Variants in TLE3 observed in about 807,000 individuals in gnomAD.
The protein encoded by TLE3 is transducin-like enhancer protein 3.
TLE3 carries 14 observed loss-of-function variants against 93.0 expected under a neutral mutation model. The observed-to-expected ratio is 0.15, with a 90% CI of 0.10 to 0.24. The LOEUF is 0.24. Among genes scored for constraint, TLE3 ranks in the 10% least tolerant of loss-of-function variants. The pLI, the probability that TLE3 is intolerant of heterozygous loss-of-function variation, is 1.00. For missense variants in TLE3, 693 were observed against 1,046.6 expected, an observed-to-expected ratio of 0.66 and a Z score of 4.66; for synonymous variants, 451 against 425.0, an observed-to-expected ratio of 1.06 and a Z score of -0.75.
In TLE3 at chr15:70,058,841, G is replaced by C; in HGVS notation, c.766-26C>G. ...CTGAAAACACAAGTGATGCAGAGAT[G>C]CACTGAAAGCAACAGCCAGCCTCGA... is the stretch of plus-strand genomic sequence containing the variant. On this transcript the variant is annotated intron_variant, in intron 10 of 19. Transcript: ENST00000451782. This position sits in a 1 kb window ranked among gnomAD's most constrained non-coding sequence, Gnocchi z 4.1. 2 of 1,528,648 alleles carry C rather than the reference G, an allele frequency of 1.3e-6. No individual in the cohort carries two copies. The highest frequency in any genetic ancestry group is 1.8e-6 in the Non-Finnish European group (2 of 1,139,640). The allele number at this position is 1,528,648 out of a possible 1,614,324, so 94.7% of individuals were successfully genotyped here. A position where few individuals can be genotyped will look rare whatever the true frequency, so the allele number is the denominator to read the frequency against.
chr15:70,054,140 G>T, intron 16 of TLE3: 1 of 308,240 alleles, frequency 3.2e-6, no homozygotes. Flanking sequence ...TGGTCTCTGG[G>T]GCTCTGCTCC....
In TLE3 at chr15:70,095,870, G is replaced by A. The variant is rs936687895; in HGVS notation, c.126-229C>T. The A allele has an allele frequency of 2.5e-4, 161 of 635,658 alleles. 3 individuals are homozygous for A. The South Asian group carries it at 2.9e-3, about 11-fold the overall frequency. 39.4% of individuals were successfully genotyped at this position (635,658 alleles called of 1,614,324 possible). On this transcript the variant is annotated intron_variant, in intron 2 of 19. Coordinates refer to ENST00000451782, the MANE Select transcript of TLE3 (RefSeq NM_001105192.3). Reference sequence around the variant, plus strand: ...AGCCAAAGGACTTATCACGGCAGCAGGGGAGTAGGACCCTGACGCTGGCTC... The same window carrying A: ...AGCCAAAGGACTTATCACGGCAGCAAGGGAGTAGGACCCTGACGCTGGCTC...
chr15:70,079,816 C>T (rs761823195), intron 4 of TLE3, among the ~76,000 whole-genome samples: 23 of 152,158 alleles, frequency 1.5e-4, no homozygotes, highest in Non-Finnish European at 2.1e-4. Context: ...AATAACCCCG[C>T]GGAGAAGGCG....
intron 6 of TLE3, among the ~76,000 whole-genome samples, chr15:70,067,266 GAAGT>G (rs777329488): frequency 8.5e-5 from 13 of 152,192 alleles, no homozygotes; most frequent in Non-Finnish European, 1.0e-4. Flanking sequence ...TACTGAAAGA[GAAGT>G]TAGGTATGCT....
rs972965496 is a variant in TLE3, at chr15:70,094,422, G to C, written c.234+110C>G. 7.3e-6 allele frequency: 6 copies of C among 821,002 alleles called. No individual in the cohort carries two copies. The East Asian group carries it at 1.6e-4, about 22-fold the overall frequency. 50.9% of individuals were successfully genotyped at this position (821,002 alleles called of 1,614,324 possible). A position where few individuals can be genotyped will look rare whatever the true frequency, so the allele number is the denominator to read the frequency against. On this transcript the variant is annotated intron_variant, in intron 4 of 19. Coordinates refer to ENST00000451782, the MANE Select transcript of TLE3 (RefSeq NM_001105192.3). ...ATCCATTCACTCTTCAAGGAGAAGG[G>C]GGAGGAATCGAAGAAGCAGGCTCAC...
chr15:70,074,472 T>A, intron 6 of TLE3, 61 bp downstream of exon 6: 3 of 1,557,312 alleles, frequency 1.9e-6, no homozygotes, highest in Non-Finnish European at 2.6e-6. Flanking sequence ...CTGGTTATGA[T>A]AAATGAGAGG....
intron 13 of TLE3, among the ~76,000 whole-genome samples, chr15:70,056,779 T>C (rs2141463515): frequency 6.6e-6 from 1 of 152,344 alleles, no homozygotes; most frequent in Non-Finnish European, 1.5e-5. Flanking sequence ...TTTATTTTTT[T>C]GAGATGGAGT....
chr15:70,066,080 C>A lies in TLE3; in HGVS notation c.511G>T (p.Ala171Ser), dbSNP rs1199229205. 1.9e-6 allele frequency: 3 copies of A among 1,599,040 alleles called. No homozygotes were observed. Among genetic ancestry groups the A allele is most frequent in the African/African-American group, 1.3e-5 (1 of 74,562 alleles). The change falls in exon 7 of 20, where the codon GCC becomes TCC. Residue 171 changes from alanine (A) to serine (S), a missense_variant. Coordinates refer to ENST00000451782, the MANE Select transcript of TLE3 (RefSeq NM_001105192.3). ...GTCAGATGGGCCTGGCTGCCCAGGG[C>A]GCCCAGTGCCAGCAGCCCGGAGCTG... is the stretch of plus-strand genomic sequence containing the variant. ...GSSSGLLALG[A>S]LGSQAHLTVK...
At chr15:70,087,710 G>A (rs1415161015) in intron 4 of TLE3, among the ~76,000 whole-genome samples, 1 of 152,180 alleles carries the variant, frequency 6.6e-6, no homozygotes, top group Admixed American at 6.5e-5. Context: ...TGGCCTCTCA[G>A]GCCCCACAGA....
chr15:70,051,207 C>T, intron 19 of TLE3, 184 bp downstream of exon 19: 1 of 549,640 alleles, frequency 1.8e-6, no homozygotes. Flanking sequence ...GCTGAAGTCC[C>T]CAGGTCCTTG....
At chr15:70,076,450 A>C (rs2057450584) in intron 4 of TLE3, among the ~76,000 whole-genome samples, 1 of 152,134 alleles carries the variant, frequency 6.6e-6, no homozygotes, top group South Asian at 2.1e-4. Context: ...TCTGGATGGA[A>C]TCCCTAATTA....
intron 4 of TLE3, among the ~76,000 whole-genome samples, chr15:70,088,326 T>C (rs984157642): frequency 4.6e-5 from 7 of 152,174 alleles, no homozygotes; most frequent in African/African-American, 1.7e-4. Flanking sequence ...CCACCAAATA[T>C]TCCCCGCTTA....
chr15:70,053,558 T>G, intron 16 of TLE3, 184 bp from the exon 17 acceptor site: 1 of 608,226 alleles, frequency 1.6e-6, no homozygotes, highest in East Asian at 3.6e-5. Context: ...CAGGCCTCTT[T>G]CCAGTTCCAC....
At chr15:70,066,349 G>T in intron 6 of TLE3, 131 bp from the exon 7 acceptor site, 2 of 772,584 alleles carry the variant, frequency 2.6e-6, no homozygotes, top group Non-Finnish European at 1.9e-6. Flanking sequence ...GCAGGGGGAA[G>T]CACCCCCAAA....
chr15:70,078,702 C>T (rs986218458), intron 4 of TLE3, among the ~76,000 whole-genome samples: 1 of 152,194 alleles, frequency 6.6e-6, no homozygotes. Flanking sequence ...TGGGGTGGCA[C>T]CTCCAAGCCA....
chr15:70,065,984 G>GAC, intron 7 of TLE3, 30 bp downstream of exon 7: 1 of 768,878 alleles, frequency 1.3e-6, no homozygotes, highest in Non-Finnish European at 2.1e-6. Context: ...CCCCTGCCCC[G>GAC]CCCCACCCTC....
At chr15:70,073,389 A>T (rs2057283858) in intron 6 of TLE3, among the ~76,000 whole-genome samples, 1 of 152,170 alleles carries the variant, frequency 6.6e-6, no homozygotes, top group African/African-American at 2.4e-5. Context: ...TATCCTACCA[A>T]GCAGAGGAAA....
chr15:70,096,665 A>AAACACACACACC (rs1243092959), intron 1 of TLE3, 110 bp downstream of exon 1: 1 of 1,556,514 alleles, frequency 6.4e-7, no homozygotes, highest in African/African-American at 1.4e-5. Flanking sequence ...GCACACACAC[A>AAACACACACACC]AACACACACA....
In TLE3 at chr15:70,052,537, G is replaced by A. The variant is rs762688816; in HGVS notation, c.1975-13C>T. ...CCAGCGAGAAGATCTGCAGGTGGTG[G>A]GAGGGCAGATGGACTGAGCTCAGCA... On this transcript the variant is annotated splice_polypyrimidine_tract_variant and intron_variant, in intron 17 of 19. Transcript: ENST00000451782. 1.2e-6 allele frequency: 2 copies of A among 1,611,112 alleles called. No homozygotes were observed. Among genetic ancestry groups the A allele is most frequent in the African/African-American group, 2.7e-5 (2 of 74,918 alleles).
Sources: allele counts gnomAD v4.1 joint callset (sites outside exome capture counted in the v4.1 genomes callset), GRCh38; gene constraint gnomAD v4.1.1; non-coding constraint Gnocchi (gnomAD v3.1); transcripts MANE v1.5; gene names NCBI Gene and HGNC (gene_info 2026-07-23, HGNC 2026-07-21).